Variants in IGF2R observed in about 807,000 individuals in gnomAD.
IGF2R encodes the protein cation-independent mannose-6-phosphate receptor.
Under a neutral mutation model 270.6 loss-of-function variants are expected in IGF2R, and 91 were observed. That is an observed-to-expected ratio of 0.34 (90% CI 0.28 to 0.40). The LOEUF is 0.40. Ranked by LOEUF, IGF2R falls within the 10% of genes least tolerant of loss-of-function variation. The pLI, the probability that IGF2R is intolerant of heterozygous loss-of-function variation, is 1.00. For synonymous variants in IGF2R, 1,316 were observed against 1,258.9 expected, an observed-to-expected ratio of 1.05 and a Z score of -0.96; for missense variants, 2,805 against 3,188.3, an observed-to-expected ratio of 0.88 and a Z score of 2.90.
intron 2 of IGF2R, among the ~76,000 whole-genome samples, chr6:159,996,395 G>GTGAA (rs1431832339): frequency 6.6e-6 from 1 of 152,154 alleles, no homozygotes; most frequent in Non-Finnish European, 1.5e-5. Flanking sequence ...TTCAGGCAGT[G>GTGAA]GAGTGGTCTG....
intron 2 of IGF2R, among the ~76,000 whole-genome samples, chr6:159,994,584 A>G (rs2044607785): frequency 6.6e-6 from 1 of 152,056 alleles, no homozygotes; most frequent in Admixed American, 6.6e-5. Flanking sequence ...ATTTAGTGCT[A>G]TAAACTTCCC....
intron 18 of IGF2R, among the ~76,000 whole-genome samples, chr6:160,049,592 A>G (rs1778148957): frequency 6.6e-6 from 1 of 152,224 alleles, no homozygotes; most frequent in Admixed American, 6.5e-5. Context: ...TCCGCGCTGC[A>G]CTGCCTGGTA....
chr6:160,044,133 T>C (rs1778012788), intron 12 of IGF2R, among the ~76,000 whole-genome samples: 1 of 152,220 alleles, frequency 6.6e-6, no homozygotes, highest in African/African-American at 2.4e-5. Context: ...TTCAAAAGAC[T>C]TTGTGTCTTG....
intron 19 of IGF2R, among the ~76,000 whole-genome samples, chr6:160,052,121 G>A (rs2115253057): frequency 6.6e-6 from 1 of 152,278 alleles, no homozygotes; most frequent in Admixed American, 6.5e-5. Context: ...AGGATCACTT[G>A]AGCCCAGGAG....
In IGF2R at chr6:160,050,580, C is replaced by T; in HGVS notation, c.2622C>T (p.Ala874=). 1 of 1,614,146 alleles carries T rather than the reference C, an allele frequency of 6.2e-7. No homozygotes were observed. Among genetic ancestry groups the T allele is most frequent in the Non-Finnish European group, 8.5e-7 (1 of 1,179,980 alleles). ...SLLLEYVNGS[A]CTTSDGRQTT... is the part of the protein sequence containing the mutation. ...TTCTGGAATACGTGAATGGGTCGGCCTGCACCACCAGCGATGGCAGACAGA... is the reference window on the plus strand; with the variant it reads ...TTCTGGAATACGTGAATGGGTCGGCTTGCACCACCAGCGATGGCAGACAGA... The change falls in exon 19 of 48, where the codon GCC becomes GCT. Residue 874 remains alanine, a synonymous_variant. Transcript: ENST00000356956. This position sits in a 1 kb window ranked among gnomAD's most constrained non-coding sequence, Gnocchi z 4.0.
chr6:160,007,184 T>C (rs943678458), intron 2 of IGF2R: 3 of 152,246 alleles, frequency 2.0e-5, no homozygotes, highest in South Asian at 4.1e-4. Context: ...GCATGAGATA[T>C]TCTTTCACAT....
At chr6:159,983,469 T>C (rs1396257769) in intron 1 of IGF2R, among the ~76,000 whole-genome samples, 1 of 152,218 alleles carries the variant, frequency 6.6e-6, no homozygotes, top group Non-Finnish European at 1.5e-5. Flanking sequence ...GCAGTGAGAT[T>C]ACAGTCAGGA....
At chr6:160,006,234 C>T (rs1784231472) in intron 2 of IGF2R, 1 of 158,296 alleles carries the variant, frequency 6.3e-6, no homozygotes, top group Admixed American at 6.5e-5. Context: ...CCCTTCGCGC[C>T]TCCCTGTACC....
intron 31 of IGF2R, 59 bp from the exon 32 acceptor site, chr6:160,071,848 AATC>A: frequency 1.3e-6 from 2 of 1,592,214 alleles, no homozygotes; most frequent in South Asian, 1.1e-5. Context: ...TGTAAGTTGA[AATC>A]ATGATAGACA....
intron 1 of IGF2R, among the ~76,000 whole-genome samples, chr6:159,984,719 AT>A (rs1308253192): frequency 1.3e-5 from 2 of 152,292 alleles, no homozygotes; most frequent in East Asian, 1.9e-4. Context: ...GAATTGCCTC[AT>A]GACACATTTC....
chr6:159,991,369 C>T, intron 2 of IGF2R, 46 bp downstream of exon 2: 3 of 1,575,108 alleles, frequency 1.9e-6, no homozygotes, highest in Non-Finnish European at 2.6e-6. Flanking sequence ...TATGATTCCC[C>T]AATTTTGCAA....
At chr6:159,995,077 C>T (rs1784032042) in intron 2 of IGF2R, among the ~76,000 whole-genome samples, 1 of 152,024 alleles carries the variant, frequency 6.6e-6, no homozygotes, top group Non-Finnish European at 1.5e-5. Flanking sequence ...TGTCTATCTC[C>T]TCTTAGGTCT....
At chr6:160,066,224 C>T (rs964944673) in intron 29 of IGF2R, among the ~76,000 whole-genome samples, 1 of 152,014 alleles carries the variant, frequency 6.6e-6, no homozygotes, top group Non-Finnish European at 1.5e-5. Context: ...ACTATGTTGG[C>T]CAGGCTGGTC....
At chr6:160,082,333 G>A (rs182383873) in intron 39 of IGF2R, among the ~76,000 whole-genome samples, 14 of 151,188 alleles carry the variant, frequency 9.3e-5, no homozygotes, top group African/African-American at 3.2e-4. Flanking sequence ...TTTTGAGATG[G>A]AGTTTTGCTC....
intron 10 of IGF2R, among the ~76,000 whole-genome samples, chr6:160,036,654 T>C (rs1777832948): frequency 6.6e-6 from 1 of 151,982 alleles, no homozygotes; most frequent in Non-Finnish European, 1.5e-5. Flanking sequence ...GAGCAGGATA[T>C]GAGAAGGGCA....
chr6:160,107,322 C>T lies in IGF2R; in HGVS notation c.*2238C>T, dbSNP rs1779643684. On this transcript the variant is annotated 3_prime_UTR_variant, in exon 48 of 48. Coordinates refer to ENST00000356956, the MANE Select transcript of IGF2R (RefSeq NM_000876.4). The stretch of plus-strand genomic sequence containing the variant: ...GGGACCTGCCCATCCCCTTGGTAAG[C>T]TGGATGGCAAAAAGGCATGTTGTCT... 1 of 152,236 alleles carries T rather than the reference C, an allele frequency of 6.6e-6. No homozygotes were observed. The highest frequency in any genetic ancestry group is 1.5e-5 in the Non-Finnish European group (1 of 68,044). 9.4% of individuals were successfully genotyped at this position (152,236 alleles called of 1,614,324 possible).
rs8191864 is a variant in IGF2R, at chr6:160,065,053, G to A, written c.4115+152G>A. 1,484 of 623,064 alleles carry A rather than the reference G, an allele frequency of 2.4e-3. 22 individuals are homozygous for A. The African/African-American group carries it at 0.025, about 10-fold the overall frequency. The allele number at this position is 623,064 out of a possible 1,614,324, so 38.6% of individuals were successfully genotyped here. On this transcript the variant is annotated intron_variant, in intron 29 of 47. Coordinates refer to ENST00000356956, the MANE Select transcript of IGF2R (RefSeq NM_000876.4). ...ATATTAAAATGAGGAGTCGGGCTAGGTTAACTCTCAGCTCCGTCACCACCT... is the reference window on the plus strand; with the variant it reads ...ATATTAAAATGAGGAGTCGGGCTAGATTAACTCTCAGCTCCGTCACCACCT...
chr6:160,064,839 CTTGT>C lies in IGF2R; in HGVS notation c.4057_4060del (p.Phe1353SerfsTer13). 1.2e-6 allele frequency: 2 copies of C among 1,613,804 alleles called. No homozygotes were observed. Among genetic ancestry groups the C allele is most frequent in the Non-Finnish European group, 1.7e-6 (2 of 1,179,640 alleles). On this transcript the variant is annotated frameshift_variant, in exon 29 of 48. Transcript: ENST00000356956. LOFTEE classifies it high-confidence loss of function. ...TAAAGGAGACTTCAGATTGTTCCTA[CTTGT>C]TTGAGTGGCGAACGCAGTATGCCTG...
chr6:160,068,387 TGA>T lies in IGF2R; in HGVS notation c.4252+8_4252+9del. On this transcript the variant is annotated splice_donor_region_variant and intron_variant, in intron 30 of 47. Transcript: ENST00000356956. Reference sequence around the variant, plus strand: ...CTCTGGCCCCGCAGGCTGGCACTGGTGAGAGAGGGCCTCCTCGTGGGGTGGTG... The same window carrying T: ...CTCTGGCCCCGCAGGCTGGCACTGGTGAGAGGGCCTCCTCGTGGGGTGGTG... 1 of 1,613,716 alleles carries T rather than the reference TGA, an allele frequency of 6.2e-7. No individual in the cohort carries two copies. The highest frequency in any genetic ancestry group is 8.5e-7 in the Non-Finnish European group (1 of 1,179,978).
Sources: gnomAD v4.1 joint callset for allele counts (sites outside exome capture counted in the v4.1 genomes callset) on GRCh38, gnomAD v4.1.1 for gene constraint, Gnocchi (gnomAD v3.1) non-coding constraint, MANE v1.5 for transcripts, NCBI Gene and HGNC (gene_info 2026-07-23, HGNC 2026-07-21) for gene names.